Variants in FOXP1 observed in about 807,000 individuals in gnomAD.
The protein encoded by FOXP1 is forkhead box protein P1.
A neutral mutation model predicts 98.2 loss-of-function variants in FOXP1; 15 were observed. The observed-to-expected ratio is 0.15, with a 90% confidence interval of 0.10 to 0.24. The LOEUF (loss-of-function observed/expected upper bound fraction) is 0.24. Among genes scored for constraint, FOXP1 ranks in the 10% least tolerant of loss-of-function variants. FOXP1 has a pLI of 1.00. For missense variants in FOXP1, 633 were observed against 848.5 expected, an observed-to-expected ratio of 0.75 and a Z score of 3.15; for synonymous variants, 371 against 314.5, an observed-to-expected ratio of 1.18 and a Z score of -1.90.
intron 7 of FOXP1, among the ~76,000 whole-genome samples, chr3:71,092,353 G>C (rs550914376): frequency 6.6e-6 from 1 of 152,068 alleles, no homozygotes; most frequent in Non-Finnish European, 1.5e-5. Flanking sequence ...TCCAGCCTGG[G>C]TGACAGAAGG....
chr3:71,343,494 C>A (rs11713665), intron 4 of FOXP1, among the ~76,000 whole-genome samples: 5 of 150,320 alleles, frequency 3.3e-5, no homozygotes, highest in Admixed American at 3.3e-4. Flanking sequence ...TGTTGGGTTA[C>A]GGGGCGGGGA....
At chr3:71,203,765 G>A (rs1482451055) in intron 5 of FOXP1, among the ~76,000 whole-genome samples, 12 of 152,112 alleles carry the variant, frequency 7.9e-5, no homozygotes, top group Non-Finnish European at 1.5e-5. Flanking sequence ...TTTCTATGGG[G>A]AGAAGAGAAG....
chr3:70,965,919 G>C lies in FOXP1; in HGVS notation c.1860C>G (p.Ser620Arg). ...CTTGCATAGGAGATCTGCCTGGACTGCTGTCACTCTCGTTGCTGTTGGTAT... is the reference window on the plus strand; with the variant it reads ...CTTGCATAGGAGATCTGCCTGGACTCCTGTCACTCTCGTTGCTGTTGGTAT... ...MEHTNSNESD[S>R]SPGRSPMQAV... The change falls in exon 20 of 21, where the codon AGC (serine) becomes AGG (arginine). Residue 620 changes from serine to arginine, a missense_variant. Ser to Arg is a moderately radical substitution (Grantham distance 110). This residue lies in a region of FOXP1 where 150 missense variants were observed against 163.7 expected (regional missense o/e 0.92). Transcript: ENST00000649528. The C allele has an allele frequency of 1.2e-6, 2 of 1,614,104 alleles. No individual in the cohort carries two copies. Among genetic ancestry groups the C allele is most frequent in the Non-Finnish European group, 1.7e-6 (2 of 1,180,018 alleles).
rs766300006 is a variant in FOXP1, at chr3:70,972,541, C to G, written c.1652+14G>C. On this transcript the variant is annotated intron_variant, in intron 18 of 20. Transcript: ENST00000649528. Reference sequence around the variant, plus strand: ...TCCAAGCTAGGCTAAGAAGTTCAAACATGGTGGACGTACCCACTGATCTTT... The same window carrying G: ...TCCAAGCTAGGCTAAGAAGTTCAAAGATGGTGGACGTACCCACTGATCTTT... 1 of 1,614,202 alleles carries G rather than the reference C, an allele frequency of 6.2e-7. No homozygotes were observed. Among genetic ancestry groups the G allele is most frequent in the African/African-American group, 1.3e-5 (1 of 75,062 alleles).
At chr3:71,267,839 G>A (rs13317409) in intron 5 of FOXP1, among the ~76,000 whole-genome samples, 65,147 of 151,480 alleles carry the variant, frequency 0.43, 14,515 homozygotes, top group Middle Eastern at 0.55. Flanking sequence ...CCAATATGGT[G>A]AAACCCTGTC....
At chr3:71,461,370 C>A (rs1359150528) in intron 3 of FOXP1, among the ~76,000 whole-genome samples, 2 of 152,086 alleles carry the variant, frequency 1.3e-5, no homozygotes, top group African/African-American at 2.4e-5. Context: ...AACGAGTGTT[C>A]AAGGAGATCT....
chr3:71,137,956 G>A (rs953026146), intron 6 of FOXP1, among the ~76,000 whole-genome samples: 1 of 152,092 alleles, frequency 6.6e-6, no homozygotes, highest in African/African-American at 2.4e-5. Context: ...CTCAAGGACA[G>A]TGCAGGATGT....
intron 4 of FOXP1, among the ~76,000 whole-genome samples, chr3:71,324,569 G>A (rs1214196153): frequency 6.6e-6 from 1 of 151,662 alleles, no homozygotes; most frequent in Non-Finnish European, 1.5e-5. Context: ...TGAACAATGA[G>A]AACACTTGGA....
intron 11 of FOXP1, among the ~76,000 whole-genome samples, chr3:71,022,355 T>C (rs1039016414): frequency 1.4e-4 from 22 of 152,248 alleles, no homozygotes; most frequent in Non-Finnish European, 1.5e-5. Flanking sequence ...AATTTATAGT[T>C]AAAATTATAT....
chr3:71,055,473 T>A (rs963222555), intron 7 of FOXP1, among the ~76,000 whole-genome samples: 1 of 152,226 alleles, frequency 6.6e-6, no homozygotes, highest in Non-Finnish European at 1.5e-5. Context: ...AATATTTTCA[T>A]ATGCAAAATG....
At chr3:71,023,633 G>A (rs749133724) in intron 11 of FOXP1, among the ~76,000 whole-genome samples, 14 of 152,022 alleles carry the variant, frequency 9.2e-5, no homozygotes, top group African/African-American at 2.4e-4. Flanking sequence ...TTCCCTGCCT[G>A]TGACTCTGTT....
intron 3 of FOXP1, among the ~76,000 whole-genome samples, chr3:71,377,431 A>G (rs957488701): frequency 3.9e-5 from 6 of 152,214 alleles, no homozygotes; most frequent in Admixed American, 3.9e-4. Flanking sequence ...CTATTTTTAC[A>G]TAATCACATT....
At chr3:71,479,917 G>T (rs1439079744) in intron 3 of FOXP1, among the ~76,000 whole-genome samples, 1 of 152,108 alleles carries the variant, frequency 6.6e-6, no homozygotes, top group Non-Finnish European at 1.5e-5. Context: ...ACAGAAACAG[G>T]CTGGGTACGG....
chr3:71,088,137 G>C (rs967344804), intron 7 of FOXP1, among the ~76,000 whole-genome samples: 1 of 152,186 alleles, frequency 6.6e-6, no homozygotes, highest in African/African-American at 2.4e-5. Context: ...TGGAAATTGC[G>C]AAAGAGCAAC....
intron 2 of FOXP1, among the ~76,000 whole-genome samples, chr3:71,578,100 A>T (rs1578257477): frequency 6.6e-6 from 1 of 152,194 alleles, no homozygotes; most frequent in Non-Finnish European, 1.5e-5. Flanking sequence ...AAACAAAAAT[A>T]CCACCTGTGT....
chr3:71,345,198 GC>G (rs755267865), intron 4 of FOXP1, among the ~76,000 whole-genome samples: 5 of 151,932 alleles, frequency 3.3e-5, no homozygotes, highest in Non-Finnish European at 5.9e-5. Context: ...GATCATACTG[GC>G]CAACATGGTG....
At chr3:71,567,049 G>A (rs950713617) in intron 2 of FOXP1, among the ~76,000 whole-genome samples, 2 of 152,078 alleles carry the variant, frequency 1.3e-5, no homozygotes, top group African/African-American at 4.8e-5. Context: ...GAATGATGAG[G>A]ATAGGAAAAA....
At chr3:71,302,603 A>G (rs1418338608) in intron 4 of FOXP1, 1 of 150,958 alleles carries the variant, frequency 6.6e-6, no homozygotes, top group African/African-American at 2.4e-5. Context: ...CTCCATACGA[A>G]TTGCGTTTTT....
At chr3:71,166,816 A>C (rs1006741023) in intron 6 of FOXP1, among the ~76,000 whole-genome samples, 1 of 152,124 alleles carries the variant, frequency 6.6e-6, no homozygotes, top group Non-Finnish European at 1.5e-5. Flanking sequence ...AAACACACAC[A>C]AAGAATTTTA....
Sources: allele counts gnomAD v4.1 joint callset (sites outside exome capture counted in the v4.1 genomes callset), GRCh38; gene constraint gnomAD v4.1.1; regional missense constraint gnomAD v4.1.1; transcripts MANE v1.5; gene names NCBI Gene and HGNC (gene_info 2026-07-23, HGNC 2026-07-21).